NR1D2: variants seen among roughly 807,000 people sequenced by gnomAD.
NR1D2 encodes V-erbA-related protein 1-related.
In NR1D2, 25 loss-of-function variants were observed where a neutral mutation model predicts 52.2. That is an observed-to-expected ratio of 0.48 (90% CI 0.35 to 0.67). The LOEUF (loss-of-function observed/expected upper bound fraction) is 0.67, where lower values mean the gene tolerates loss of function less well. Among genes scored for constraint, NR1D2 ranks in the 30% least tolerant of loss-of-function variants. The probability of loss-of-function intolerance (pLI) is 0.01; values close to 1 mark genes in which losing one functional copy is unlikely to be tolerated. For missense variants in NR1D2, 681 were observed against 707.2 expected (o/e 0.96, Z 0.42); for synonymous variants, 259 against 230.1 (o/e 1.13, Z -1.14).
chr3:23,950,226 C>G (rs5001573), intron 1 of NR1D2, among the ~76,000 whole-genome samples: 65,681 of 152,084 alleles, frequency 0.43, 16,125 homozygotes, highest in African/African-American at 0.67. Flanking sequence ...TATAGAAGAC[C>G]ACTCAGGTTT....
At chr3:23,947,160 G>T (rs2125278907) in intron 1 of NR1D2, among the ~76,000 whole-genome samples, 1 of 152,208 alleles carries the variant, frequency 6.6e-6, no homozygotes, top group African/African-American at 2.4e-5. Context: ...CTACATGTTA[G>T]AATTCAGAGG....
rs1325163925 is a variant in NR1D2, at chr3:23,979,661, A to T, written c.*2242A>T. The T allele has an allele frequency of 6.6e-6, 1 of 152,126 alleles. No individual in the cohort carries two copies. The highest frequency in any genetic ancestry group is 1.5e-5 in the Non-Finnish European group (1 of 67,936). 9.4% of individuals were successfully genotyped at this position (152,126 alleles called of 1,614,324 possible). A position where few individuals can be genotyped will look rare whatever the true frequency, so the allele number is the denominator to read the frequency against. ...ATGGGAAACAAAATTAATAGTTCAT[A>T]TGTCACTCATAGCATTTCTATATTT... On this transcript the variant is annotated 3_prime_UTR_variant, in exon 8 of 8. Transcript: ENST00000312521.
chr3:23,957,087 A>G (rs1471924251), intron 3 of NR1D2, among the ~76,000 whole-genome samples: 1 of 151,602 alleles, frequency 6.6e-6, no homozygotes, highest in Non-Finnish European at 1.5e-5. Context: ...GGTTCAAGTG[A>G]TTCTCCTGTC....
At position 23,962,586 on chromosome 3, in the gene NR1D2, C is replaced by T; in HGVS notation, c.1127C>T (p.Thr376Ile). ...NENKNSYLCN[T>I]GGRMHLVCPM... Reference sequence around the variant, plus strand: ...AACAAGAATAGTTACCTGTGCAACACTGGAGGAAGAATGCATCTGGTATAG... The same window carrying T: ...AACAAGAATAGTTACCTGTGCAACATTGGAGGAAGAATGCATCTGGTATAG... The change falls in exon 5 of 8, where the codon ACT becomes ATT. Residue 376 changes from threonine to isoleucine, a missense_variant. By Grantham distance (89) the Thr-to-Ile change is moderately conservative. This residue lies in a region of NR1D2 where 475 missense variants were observed against 454.5 expected (regional missense o/e 1.05). Transcript: ENST00000312521. 1 of 1,602,814 alleles carries T rather than the reference C, an allele frequency of 6.2e-7. No individual in the cohort carries two copies. Among genetic ancestry groups the T allele is most frequent in the Non-Finnish European group, 8.5e-7 (1 of 1,171,594 alleles).
At chr3:23,972,426 G>GA (rs1321427940) in intron 7 of NR1D2, among the ~76,000 whole-genome samples, 1 of 152,238 alleles carries the variant, frequency 6.6e-6, no homozygotes, top group Non-Finnish European at 1.5e-5. Context: ...AAGATTGGAA[G>GA]AATCCTAGTA....
chr3:23,961,535 A>G (rs1372400330), intron 4 of NR1D2, among the ~76,000 whole-genome samples: 1 of 151,620 alleles, frequency 6.6e-6, no homozygotes, highest in Non-Finnish European at 1.5e-5. Context: ...AGCTGGGACT[A>G]CAGGCGCCCG....
chr3:23,978,807 G>A lies in NR1D2; in HGVS notation c.*1388G>A, dbSNP rs1706806932. 6.6e-6 allele frequency: 1 copy of A among 152,060 alleles called. No homozygotes were observed. The highest frequency in any genetic ancestry group is 1.5e-5 in the Non-Finnish European group (1 of 67,964). The allele number at this position is 152,060 out of a possible 1,614,324, so 9.4% of individuals were successfully genotyped here. On this transcript the variant is annotated 3_prime_UTR_variant, in exon 8 of 8. Transcript: ENST00000312521. ...AATTTATAATTTGAAAAATCATCTA[G>A]TGTGTGACCTACAGGCTTAGAAATG... is the stretch of plus-strand genomic sequence containing the variant.
chr3:23,976,233 C>T (rs976855236), intron 7 of NR1D2, among the ~76,000 whole-genome samples: 1 of 152,194 alleles, frequency 6.6e-6, no homozygotes, highest in Non-Finnish European at 1.5e-5. Context: ...GGTTACATAG[C>T]AATAAAGTTG....
intron 7 of NR1D2, among the ~76,000 whole-genome samples, chr3:23,971,131 A>G (rs1277473456): frequency 6.6e-6 from 1 of 151,900 alleles, no homozygotes; most frequent in Non-Finnish European, 1.5e-5. Context: ...CTAGGCAGGA[A>G]AATGAAATTC....
chr3:23,969,235 G>C (rs911558252), intron 7 of NR1D2, among the ~76,000 whole-genome samples: 3 of 151,516 alleles, frequency 2.0e-5, no homozygotes, highest in Admixed American at 6.6e-5. Context: ...GCCGTGAGCC[G>C]AGATCACACC....
chr3:23,967,960 A>T lies in NR1D2; in HGVS notation c.1480A>T (p.Asn494Tyr). Reference sequence around the variant, plus strand: ...TATGTTTGAATTTAGTGAGAAGCTAAATGCCCTCCAACTTAGTGATGAAGA... The same window carrying T: ...TATGTTTGAATTTAGTGAGAAGCTATATGCCCTCCAACTTAGTGATGAAGA... Reference protein sequence around the residue: ...NSMFEFSEKLNALQLSDEEMS... With the variant: ...NSMFEFSEKLYALQLSDEEMS... Residue 494 changes from asparagine to tyrosine, a missense_variant, in exon 7 of 8, where the codon AAT becomes TAT. Asn to Tyr is a moderately radical substitution (Grantham distance 143, BLOSUM62 -2). Around this residue, in one of 3 missense-constraint regions of NR1D2, gnomAD observed 475 missense variants for 454.5 expected, o/e 1.05. Transcript: ENST00000312521. The T allele has an allele frequency of 6.2e-7, 1 of 1,614,192 alleles. No individual in the cohort carries two copies. The highest frequency in any genetic ancestry group is 8.5e-7 in the Non-Finnish European group (1 of 1,180,022).
intron 6 of NR1D2, among the ~76,000 whole-genome samples, chr3:23,965,838 G>A (rs972709593): frequency 2.0e-5 from 3 of 152,140 alleles, no homozygotes; most frequent in African/African-American, 7.2e-5. Context: ...TACTGTATTC[G>A]ATACAGAATA....
At position 23,946,101 on chromosome 3, in the gene NR1D2, G is replaced by A. The variant is rs1015900628; in HGVS notation, c.16+507G>A. 22 of 984,886 alleles carry A rather than the reference G, an allele frequency of 2.2e-5. No homozygotes were observed. In the Admixed American group the frequency reaches 3.7e-4, roughly 17 times the overall value. The allele number at this position is 984,886 out of a possible 1,614,324, so 61.0% of individuals were successfully genotyped here. A position where few individuals can be genotyped will look rare whatever the true frequency, so the allele number is the denominator to read the frequency against. ...GCTCCGCCCCTTTGGAAGCCTCGGG[G>A]CAGTGACGTCGCCGCGATTCCCTCC... On this transcript the variant is annotated intron_variant, in intron 1 of 7. Coordinates refer to ENST00000312521, the MANE Select transcript of NR1D2 (RefSeq NM_005126.5).
At chr3:23,968,462 G>C (rs1040831495) in intron 7 of NR1D2, among the ~76,000 whole-genome samples, 4 of 152,204 alleles carry the variant, frequency 2.6e-5, no homozygotes, top group Non-Finnish European at 4.4e-5. Flanking sequence ...ATTAGTTGTA[G>C]GCTTTAGTCC....
intron 1 of NR1D2, 66 bp downstream of exon 1, chr3:23,945,660 TGGG>T: frequency 2.4e-5 from 6 of 255,232 alleles, no homozygotes; most frequent in East Asian, 2.3e-4. Context: ...CGGGGCACTT[TGGG>T]GGGCGGCGGC....
intron 2 of NR1D2, 94 bp from the exon 3 acceptor site, chr3:23,955,943 T>C: frequency 1.2e-6 from 1 of 812,306 alleles, no homozygotes; most frequent in Middle Eastern, 2.3e-4. Flanking sequence ...TTCTAAAAGC[T>C]CTTACACGTT....
At chr3:23,947,407 C>T (rs1417165931) in intron 1 of NR1D2, among the ~76,000 whole-genome samples, 1 of 152,152 alleles carries the variant, frequency 6.6e-6, no homozygotes, top group South Asian at 2.1e-4. Flanking sequence ...TCTCTTTGTC[C>T]TTGCCCAGCA....
rs757278641 is a variant in NR1D2, at chr3:23,954,713, G to A, written c.193G>A (p.Gly65Ser). The A allele has an allele frequency of 1.2e-6, 2 of 1,613,926 alleles. No homozygotes were observed. The highest frequency in any genetic ancestry group is 1.7e-6 in the Non-Finnish European group (2 of 1,179,940). The change falls in exon 2 of 8, where the codon GGC (glycine) becomes AGC (serine). Residue 65 changes from glycine (G) to serine (S), a missense_variant. Coordinates refer to ENST00000312521, the MANE Select transcript of NR1D2 (RefSeq NM_005126.5). Reference sequence around the variant, plus strand: ...GAATGGTGATCTCGCCAATATTGAAGGCATCTTGAAGAATGATCGAATAGA... The same window carrying A: ...GAATGGTGATCTCGCCAATATTGAAAGCATCTTGAAGAATGATCGAATAGA... The part of the protein sequence containing the change: ...PKNGDLANIE[G>S]ILKNDRIDCS...
At position 23,945,533 on chromosome 3, in the gene NR1D2, C is replaced by A. The variant is rs1365733056; in HGVS notation, c.-46C>A. The A allele has an allele frequency of 2.7e-6, 3 of 1,098,654 alleles. No individual in the cohort carries two copies. The highest frequency in any genetic ancestry group is 4.4e-5 in the East Asian group (1 of 22,618). 68.1% of individuals were successfully genotyped at this position (1,098,654 alleles called of 1,614,324 possible). ...CTGAGGCGGCGGCGGCGGCGCTGCC[C>A]CCTCTGCGGGAAGCGGGCGGCCCCG... On this transcript the variant is annotated 5_prime_UTR_variant, in exon 1 of 8. Transcript: ENST00000312521.
Sources: allele counts gnomAD v4.1 joint callset (sites outside exome capture counted in the v4.1 genomes callset), GRCh38; gene constraint gnomAD v4.1.1; regional missense constraint gnomAD v4.1.1; transcripts MANE v1.5; gene names NCBI Gene and HGNC (gene_info 2026-07-23, HGNC 2026-07-21).